The following PRKCA variants were observed in gnomAD, a reference collection of about 807,000 sequenced individuals.
PRKCA encodes the protein protein kinase C alpha type.
PRKCA carries 27 observed loss-of-function variants against 87.0 expected under a neutral mutation model. That is an observed-to-expected ratio of 0.31 (90% CI 0.23 to 0.43). The LOEUF is 0.43. Ranked by LOEUF, PRKCA falls within the 20% of genes least tolerant of loss-of-function variation. The pLI, the probability that PRKCA is intolerant of heterozygous loss-of-function variation, is 1.00. For synonymous variants in PRKCA, 329 were observed against 311.1 expected, an observed-to-expected ratio of 1.06 and a Z score of -0.61; for missense variants, 518 against 852.3, an observed-to-expected ratio of 0.61 and a Z score of 4.88.
At chr17:66,727,923 C>T (rs889440051) in intron 8 of PRKCA, among the ~76,000 whole-genome samples, 2 of 152,182 alleles carry the variant, frequency 1.3e-5, no homozygotes, top group African/African-American at 2.4e-5. Flanking sequence ...CCCCCACCCC[C>T]AGTGATGTAG....
chr17:66,657,266 A>G (rs1971759983), intron 5 of PRKCA, among the ~76,000 whole-genome samples: 1 of 152,220 alleles, frequency 6.6e-6, no homozygotes, highest in Non-Finnish European at 1.5e-5. Flanking sequence ...TTTGTGGTTA[A>G]TTAAAGATAG....
At chr17:66,791,303 G>A (rs368157945) in intron 16 of PRKCA, among the ~76,000 whole-genome samples, 1 of 152,098 alleles carries the variant, frequency 6.6e-6, no homozygotes, top group Non-Finnish European at 1.5e-5. Flanking sequence ...AAAAGGCCCC[G>A]CTTGGTAAAA....
intron 8 of PRKCA, among the ~76,000 whole-genome samples, chr17:66,722,927 A>T (rs929783784): frequency 2.0e-5 from 3 of 152,178 alleles, no homozygotes; most frequent in African/African-American, 7.2e-5. Flanking sequence ...ATTTCCTTTT[A>T]AAAATTTGTG....
chr17:66,531,716 C>T (rs1299313818), intron 3 of PRKCA, among the ~76,000 whole-genome samples: 2 of 152,210 alleles, frequency 1.3e-5, no homozygotes, highest in Non-Finnish European at 2.9e-5. Flanking sequence ...TCACCCATTC[C>T]TTTTCACACC....
intron 2 of PRKCA, among the ~76,000 whole-genome samples, chr17:66,394,107 GC>G (rs1910526708): frequency 6.6e-6 from 1 of 152,154 alleles, no homozygotes; most frequent in South Asian, 2.1e-4. Context: ...GAAATAAGGG[GC>G]AAGAGGTTCT....
intron 2 of PRKCA, among the ~76,000 whole-genome samples, chr17:66,487,614 T>G (rs1297513668): frequency 6.6e-6 from 1 of 152,218 alleles, no homozygotes; most frequent in African/African-American, 2.4e-5. Context: ...CTGTAGTGGC[T>G]CTACCACTTT....
At chr17:66,712,985 G>A (rs533718594) in intron 8 of PRKCA, among the ~76,000 whole-genome samples, 1 of 151,680 alleles carries the variant, frequency 6.6e-6, no homozygotes, top group South Asian at 2.1e-4. Flanking sequence ...CCTAATGGAG[G>A]TGTCACTGTG....
intron 3 of PRKCA, among the ~76,000 whole-genome samples, chr17:66,551,649 A>T (rs570822319): frequency 6.6e-6 from 1 of 152,108 alleles, no homozygotes; most frequent in Non-Finnish European, 1.5e-5. Flanking sequence ...CAAGGGGGGG[A>T]TATTGTTTGA....
chr17:66,721,127 T>C (rs1973604097), intron 8 of PRKCA, among the ~76,000 whole-genome samples: 1 of 152,150 alleles, frequency 6.6e-6, no homozygotes, highest in Admixed American at 6.5e-5. Context: ...CCGGGTGCAG[T>C]GGCTCACACC....
chr17:66,304,148 AGGGTCCCT>A (rs1161848186), intron 1 of PRKCA, among the ~76,000 whole-genome samples: 1 of 152,156 alleles, frequency 6.6e-6, no homozygotes, highest in African/African-American at 2.4e-5. Flanking sequence ...CTTAACTCGG[AGGGTCCCT>A]GGGGGCTTAT....
rs1168908031 is a variant in PRKCA, at chr17:66,792,034, C to CA, written c.1854+3056dup. Among the ~76,000 whole-genome samples the CA allele has an allele frequency of 6.6e-6, 1 of 152,202 alleles. No individual in the cohort carries two copies. Among genetic ancestry groups the CA allele is most frequent in the African/African-American group, 2.4e-5 (1 of 41,466 alleles). On this transcript the variant is annotated intron_variant, in intron 16 of 16. Transcript: ENST00000413366. This position sits in a 1 kb window ranked among gnomAD's most constrained non-coding sequence, Gnocchi z 4.5. Reference sequence around the variant, plus strand: ...GCTGGAGAAACGATCAGGCAAATGTCACACAGCTAGCGACTCTCACCGTGA... The same window carrying CA: ...GCTGGAGAAACGATCAGGCAAATGTCAACACAGCTAGCGACTCTCACCGTGA...
intron 3 of PRKCA, among the ~76,000 whole-genome samples, chr17:66,617,773 G>A (rs1970555257): frequency 6.6e-6 from 1 of 152,080 alleles, no homozygotes; most frequent in Admixed American, 6.6e-5. Context: ...TAACTTTTGG[G>A]AAATGAAGCA....
intron 13 of PRKCA, among the ~76,000 whole-genome samples, chr17:66,768,493 C>G (rs1974860411): frequency 6.6e-6 from 1 of 152,162 alleles, no homozygotes; most frequent in Non-Finnish European, 1.5e-5. Context: ...TGCAATTAGT[C>G]CATTTTCACA....
intron 14 of PRKCA, among the ~76,000 whole-genome samples, chr17:66,785,868 A>C (rs554097619): frequency 6.6e-6 from 1 of 152,166 alleles, no homozygotes; most frequent in Non-Finnish European, 1.5e-5. Flanking sequence ...TCGCTCTGTC[A>C]CCCAGGCTGG....
intron 2 of PRKCA, among the ~76,000 whole-genome samples, chr17:66,486,443 A>T (rs896142384): frequency 3.9e-5 from 6 of 152,174 alleles, no homozygotes; most frequent in Non-Finnish European, 5.9e-5. Context: ...AGTAATGACC[A>T]CATCCCATTC....
chr17:66,707,443 T>A (rs1973220195), intron 8 of PRKCA, among the ~76,000 whole-genome samples: 1 of 152,140 alleles, frequency 6.6e-6, no homozygotes, highest in African/African-American at 2.4e-5. Flanking sequence ...AGCCAACATC[T>A]TTATGAGGCT....
chr17:66,614,789 C>T (rs1433646266), intron 3 of PRKCA, among the ~76,000 whole-genome samples: 3 of 152,150 alleles, frequency 2.0e-5, no homozygotes, highest in African/African-American at 4.8e-5. Context: ...TTTGTGCTTA[C>T]TGCCAAAAAG....
chr17:66,663,059 G>A (rs12451508), intron 5 of PRKCA, among the ~76,000 whole-genome samples: 8,874 of 152,274 alleles, frequency 0.058, 315 homozygotes, highest in Admixed American at 0.081. Context: ...TACCCTTGCC[G>A]GTGGACAGTT....
chr17:66,374,719 C>CTT (rs35431248), intron 2 of PRKCA, among the ~76,000 whole-genome samples: 1,546 of 115,752 alleles, frequency 0.013, 62 homozygotes, highest in African/African-American at 0.038. Context: ...GAGTTGCATT[C>CTT]TTTTTTTTTT....
Sources: allele counts gnomAD v4.1 joint callset (sites outside exome capture counted in the v4.1 genomes callset), GRCh38; gene constraint gnomAD v4.1.1; non-coding constraint Gnocchi (gnomAD v3.1); transcripts MANE v1.5; gene names NCBI Gene and HGNC (gene_info 2026-07-23, HGNC 2026-07-21).